NRXN1: variants seen among roughly 807,000 people sequenced by gnomAD.
NRXN1 encodes neurexin-1.
A neutral mutation model predicts 150.9 loss-of-function variants in NRXN1; 39 were observed. The ratio of observed to expected loss-of-function variants is 0.26; its 90% confidence interval spans 0.20 to 0.34. NRXN1 has a LOEUF of 0.34. Ranked by LOEUF, NRXN1 falls within the 10% of genes least tolerant of loss-of-function variation. The probability of loss-of-function intolerance (pLI) is 1.00; values close to 1 mark genes in which losing one functional copy is unlikely to be tolerated. For synonymous variants in NRXN1, 924 were observed against 757.0 expected (o/e 1.22, Z -3.62); for missense variants, 1,815 against 1,949.9 (o/e 0.93, Z 1.30).
intron 17 of NRXN1, among the ~76,000 whole-genome samples, chr2:50,265,534 A>G (rs546839083): frequency 3.0e-4 from 45 of 152,334 alleles, no homozygotes; most frequent in African/African-American, 1.1e-3. Flanking sequence ...GTATTACCAC[A>G]TGAGTTACTA....
At chr2:50,390,277 G>C (rs916986201) in intron 17 of NRXN1, among the ~76,000 whole-genome samples, 1 of 152,074 alleles carries the variant, frequency 6.6e-6, no homozygotes, top group Non-Finnish European at 1.5e-5. Flanking sequence ...GGATGATTAA[G>C]TTTTCCTAAC....
intron 5 of NRXN1, among the ~76,000 whole-genome samples, chr2:50,799,862 C>T (rs980063995): frequency 2.0e-5 from 3 of 152,038 alleles, no homozygotes; most frequent in Non-Finnish European, 4.4e-5. Context: ...CAACTCTAAT[C>T]TTGTGACACT....
chr2:50,134,485 T>G (rs1249146583), intron 18 of NRXN1, among the ~76,000 whole-genome samples: 1 of 152,126 alleles, frequency 6.6e-6, no homozygotes, highest in African/African-American at 2.4e-5. Context: ...TAACAAAGCT[T>G]TATTAAGAAA....
At chr2:50,157,808 A>C (rs2059117881) in intron 18 of NRXN1, among the ~76,000 whole-genome samples, 1 of 151,990 alleles carries the variant, frequency 6.6e-6, no homozygotes, top group African/African-American at 2.4e-5. Context: ...TTCCAAGGAA[A>C]ACACTCTATT....
intron 17 of NRXN1, among the ~76,000 whole-genome samples, chr2:50,418,456 C>A (rs571114009): frequency 1.3e-5 from 2 of 152,116 alleles, no homozygotes; most frequent in South Asian, 4.2e-4. Context: ...GTAAAATCTC[C>A]AAATAAAGTT....
At chr2:50,705,333 T>C (rs1223317332) in intron 5 of NRXN1, among the ~76,000 whole-genome samples, 1 of 152,156 alleles carries the variant, frequency 6.6e-6, no homozygotes, top group Non-Finnish European at 1.5e-5. Context: ...TCTATTGCTT[T>C]CAATAGATAA....
intron 17 of NRXN1, among the ~76,000 whole-genome samples, chr2:50,308,824 T>G (rs181016165): frequency 1.3e-5 from 2 of 152,130 alleles, no homozygotes; most frequent in Non-Finnish European, 2.9e-5. Context: ...CAGATTTGGG[T>G]TAATGATCTG....
rs372236029 is a variant in NRXN1 at position 50,935,770 on chromosome 2, GAA to G, written c.773-9817_773-9816del. Among the ~76,000 whole-genome samples, 396 of 141,108 alleles carry G rather than the reference GAA, an allele frequency of 2.8e-3. 1 individual carries two copies. The highest frequency in any genetic ancestry group is 9.9e-3 in the African/African-American group (381 of 38,456). The allele number at this position is 141,108 out of a possible 152,430, so 92.6% of individuals were successfully genotyped here. On this transcript the variant is annotated intron_variant, in intron 2 of 22. Coordinates refer to ENST00000401669, the MANE Select transcript of NRXN1 (RefSeq NM_001330078.2). ...AATATGGAATGGTAGAAAAGCAAAA[GAA>G]AAAAAAAAGTGGCAAAATTATCTAT...
At chr2:50,689,473 C>T (rs1053002702) in intron 5 of NRXN1, among the ~76,000 whole-genome samples, 1 of 152,100 alleles carries the variant, frequency 6.6e-6, no homozygotes, top group African/African-American at 2.4e-5. Flanking sequence ...AACTGGACTC[C>T]ATCCTTTAAA....
At chr2:50,657,292 C>CTGT (rs2104609060) in intron 5 of NRXN1, among the ~76,000 whole-genome samples, 1 of 152,102 alleles carries the variant, frequency 6.6e-6, no homozygotes, top group South Asian at 2.1e-4. Flanking sequence ...AATTCCTCTC[C>CTGT]AACATGTTAT....
At chr2:50,074,968 C>T (rs1019494388) in intron 19 of NRXN1, among the ~76,000 whole-genome samples, 1 of 152,146 alleles carries the variant, frequency 6.6e-6, no homozygotes, top group Non-Finnish European at 1.5e-5. Flanking sequence ...CGGTAAAGTT[C>T]ACAGTGTGAA....
At chr2:49,931,912 A>G in intron 22 of NRXN1, among the ~76,000 whole-genome samples, 2 of 152,296 alleles carry the variant, frequency 1.3e-5, no homozygotes, top group Middle Eastern at 6.8e-3. Context: ...TTTTTTATAT[A>G]TAGATAATTG....
At chr2:50,267,284 T>G (rs533611627) in intron 17 of NRXN1, among the ~76,000 whole-genome samples, 1 of 152,342 alleles carries the variant, frequency 6.6e-6, no homozygotes, top group South Asian at 2.1e-4. Flanking sequence ...TTCTGCATTT[T>G]GAAGAAAGTA....
chr2:50,312,630 C>A, intron 17 of NRXN1: 1 of 458,532 alleles, frequency 2.2e-6, no homozygotes, highest in Non-Finnish European at 4.4e-6. Context: ...ACATGTTAAA[C>A]CTGAGGTATG....
At chr2:50,692,501 A>T (rs964464956) in intron 5 of NRXN1, among the ~76,000 whole-genome samples, 1 of 152,076 alleles carries the variant, frequency 6.6e-6, no homozygotes, top group Non-Finnish European at 1.5e-5. Flanking sequence ...TTTCTTTTTA[A>T]TTCCCAGACA....
chr2:50,346,646 G>A lies in NRXN1; in HGVS notation c.3365-109676C>T, dbSNP rs1164934769. The A allele has an allele frequency of 1.2e-6, 2 of 1,600,364 alleles. No individual in the cohort carries two copies. Among genetic ancestry groups the A allele is most frequent in the African/African-American group, 1.3e-5 (1 of 74,724 alleles). On this transcript the variant is annotated intron_variant, in intron 17 of 22. Coordinates refer to ENST00000401669, the MANE Select transcript of NRXN1 (RefSeq NM_001330078.2). This position sits in a 1 kb window ranked among gnomAD's most constrained non-coding sequence, Gnocchi z 5.0. ...AGGAGCGAGTGCAGGGTAGAAAGAG[G>A]GGAGCGAGGGGATAACCCGCGAGAA...
chr2:49,999,996 G>A lies in NRXN1; in HGVS notation c.4128+53275C>T, dbSNP rs190672530. Among the ~76,000 whole-genome samples the A allele has an allele frequency of 4.5e-4, 68 of 152,242 alleles. 1 individual carries two copies. The highest frequency in any genetic ancestry group is 1.6e-3 in the Admixed American group (24 of 15,290). Reference sequence around the variant, plus strand: ...CATAAAACAAAAGGTATATTAAATAGAACCTCTCCTAATACTCTCACATTG... The same window carrying A: ...CATAAAACAAAAGGTATATTAAATAAAACCTCTCCTAATACTCTCACATTG... On this transcript the variant is annotated intron_variant, in intron 21 of 22. Coordinates refer to ENST00000401669, the MANE Select transcript of NRXN1 (RefSeq NM_001330078.2).
intron 18 of NRXN1, among the ~76,000 whole-genome samples, chr2:50,178,243 C>A (rs1031015772): frequency 6.6e-6 from 1 of 152,004 alleles, no homozygotes; most frequent in Non-Finnish European, 1.5e-5. Context: ...GCAATGCCAG[C>A]AACAGATTGG....
At chr2:50,178,514 T>G (rs2060491325) in intron 18 of NRXN1, among the ~76,000 whole-genome samples, 1 of 152,112 alleles carries the variant, frequency 6.6e-6, no homozygotes, top group Non-Finnish European at 1.5e-5. Context: ...TACAGAAGGT[T>G]GGAAACAATA....
Sources: gnomAD v4.1 joint callset for allele counts (sites outside exome capture counted in the v4.1 genomes callset) on GRCh38, gnomAD v4.1.1 for gene constraint, Gnocchi (gnomAD v3.1) non-coding constraint, MANE v1.5 for transcripts, NCBI Gene and HGNC (gene_info 2026-07-23, HGNC 2026-07-21) for gene names.